The following STAG1 variants were observed in gnomAD, a reference collection of about 807,000 sequenced individuals.
STAG1 encodes the protein STAG1 cohesin complex component.
In STAG1, 26 loss-of-function variants were observed where a neutral mutation model predicts 170.9. The observed-to-expected ratio is 0.15, with a 90% CI of 0.11 to 0.21. The LOEUF is 0.21. Among genes scored for constraint, STAG1 ranks in the 10% least tolerant of loss-of-function variants. The pLI is 1.00. For missense variants in STAG1, 964 were observed against 1,509.5 expected (o/e 0.64, Z 5.99); for synonymous variants, 514 against 497.7 (o/e 1.03, Z -0.44).
chr3:136,554,819 C>G (rs927635149), intron 5 of STAG1, among the ~76,000 whole-genome samples: 75 of 152,098 alleles, frequency 4.9e-4, no homozygotes, highest in Non-Finnish European at 3.2e-4. Context: ...CATTTCTGCC[C>G]AGGAGTTCAG....
In STAG1 at chr3:136,617,951, G is replaced by A. The variant is rs559557618; in HGVS notation, c.132+5195C>T. Reference sequence around the variant, plus strand: ...AAGTGACCTGTTAACTTACCCTTCTGGTACTCATTAATCTTTTGTTGTGCA... The same window carrying A: ...AAGTGACCTGTTAACTTACCCTTCTAGTACTCATTAATCTTTTGTTGTGCA... On this transcript the variant is annotated intron_variant, in intron 3 of 33. Transcript: ENST00000383202. 1.3e-4 allele frequency among the ~76,000 whole-genome samples: 20 copies of A among 152,134 alleles called. No homozygotes were observed. In the South Asian group the frequency reaches 1.9e-3, roughly 14 times the overall value.
intron 16 of STAG1, among the ~76,000 whole-genome samples, chr3:136,431,550 G>A (rs1210677621): frequency 6.6e-6 from 1 of 152,178 alleles, no homozygotes. Context: ...GATTACAGGC[G>A]TGAACCACTG....
rs138129456 is a variant in STAG1, at chr3:136,443,302, C to G, written c.1531G>C (p.Val511Leu). Reference sequence around the variant, plus strand: ...AATACTATACCTTCCTCTCCTTGAACAGGTTCTTCTAATAGCAACTCTGTC... The same window carrying G: ...AATACTATACCTTCCTCTCCTTGAAGAGGTTCTTCTAATAGCAACTCTGTC... ...CMTELLLEEP[V>L]QGEEAMSDRQ... Residue 511 changes from valine to leucine, a missense_variant, in exon 15 of 34, where the codon GTT becomes CTT. Transcript: ENST00000383202. The G allele has an allele frequency of 6.8e-6, 11 of 1,611,460 alleles. No individual in the cohort carries two copies. The highest frequency in any genetic ancestry group is 9.3e-6 in the Non-Finnish European group (11 of 1,178,160).
intron 13 of STAG1, among the ~76,000 whole-genome samples, chr3:136,459,220 GAAAAAA>G (rs769155825): frequency 1.1e-5 from 1 of 91,636 alleles, no homozygotes; most frequent in South Asian, 3.6e-4. Context: ...CTGTCTTAAA[GAAAAAA>G]AAAAAAAAAA....
intron 3 of STAG1, among the ~76,000 whole-genome samples, chr3:136,604,990 T>C (rs985983640): frequency 1.9e-4 from 29 of 152,190 alleles, no homozygotes; most frequent in African/African-American, 6.8e-4. Flanking sequence ...ACAATAATAA[T>C]GCCAATGTTG....
At chr3:136,504,939 A>G (rs373136090) in intron 7 of STAG1, among the ~76,000 whole-genome samples, 8 of 152,242 alleles carry the variant, frequency 5.3e-5, no homozygotes, top group African/African-American at 1.9e-4. Flanking sequence ...CATGTTAAAA[A>G]TGATCAATAT....
At chr3:136,563,969 G>C (rs1005441525) in intron 5 of STAG1, among the ~76,000 whole-genome samples, 4 of 151,868 alleles carry the variant, frequency 2.6e-5, no homozygotes, top group Non-Finnish European at 5.9e-5. Flanking sequence ...GTTGCAGTGA[G>C]CCGAGATCGC....
intron 1 of STAG1, among the ~76,000 whole-genome samples, chr3:136,708,393 G>C (rs887165652): frequency 6.6e-6 from 1 of 151,638 alleles, no homozygotes; most frequent in Admixed American, 6.6e-5. Flanking sequence ...TTATTTATAA[G>C]AAATATAATA....
At chr3:136,489,290 A>G in intron 9 of STAG1, among the ~76,000 whole-genome samples, 1 of 152,154 alleles carries the variant, frequency 6.6e-6, no homozygotes, top group South Asian at 2.1e-4. Context: ...ATCTGGACCT[A>G]AGTTTTCATT....
At chr3:136,420,244 C>CAAAA (rs71157379) in intron 20 of STAG1, among the ~76,000 whole-genome samples, 12 of 36,850 alleles carry the variant, frequency 3.3e-4, no homozygotes, top group South Asian at 2.1e-3. Context: ...GAGACTCTGT[C>CAAAA]AAAAAAAAAA....
intron 7 of STAG1, among the ~76,000 whole-genome samples, chr3:136,513,281 C>T (rs996782821): frequency 6.6e-6 from 1 of 151,968 alleles, no homozygotes. Flanking sequence ...CCCTTGAACC[C>T]AGGAGGCATA....
intron 22 of STAG1, among the ~76,000 whole-genome samples, chr3:136,394,119 G>A (rs1330461684): frequency 2.0e-5 from 3 of 152,086 alleles, no homozygotes; most frequent in African/African-American, 4.8e-5. Flanking sequence ...TGTTGGTTAG[G>A]ATAATCTCTA....
intron 1 of STAG1, among the ~76,000 whole-genome samples, chr3:136,741,937 G>T (rs1449776970): frequency 2.6e-5 from 4 of 152,156 alleles, no homozygotes; most frequent in African/African-American, 9.7e-5. Context: ...TCAAGGAAAA[G>T]ATTATTACCA....
intron 1 of STAG1, among the ~76,000 whole-genome samples, chr3:136,687,449 C>T (rs1177488853): frequency 2.0e-5 from 3 of 151,182 alleles, no homozygotes; most frequent in African/African-American, 7.3e-5. Context: ...ATTTTAAAGT[C>T]TTTTGTGTAG....
chr3:136,677,684 G>C (rs1942168048), intron 1 of STAG1, among the ~76,000 whole-genome samples: 1 of 151,930 alleles, frequency 6.6e-6, no homozygotes, highest in Admixed American at 6.6e-5. Flanking sequence ...CTTTGCAGCA[G>C]AGTGAGCCCT....
In STAG1 at chr3:136,647,800, A is replaced by G. The variant is rs118004643; in HGVS notation, c.-83-16819T>C. On this transcript the variant is annotated intron_variant, in intron 1 of 33. Coordinates refer to ENST00000383202, the MANE Select transcript of STAG1 (RefSeq NM_005862.3). ...TTTCCTTTGAAGAAAGGCAGTTTATATTCATTGCTTCTACCTTCTCATTTT... is the reference window on the plus strand; with the variant it reads ...TTTCCTTTGAAGAAAGGCAGTTTATGTTCATTGCTTCTACCTTCTCATTTT... 2.2e-3 allele frequency among the ~76,000 whole-genome samples: 328 copies of G among 152,284 alleles called. 8 individuals carry two copies. In the East Asian group the frequency reaches 0.048, roughly 22 times the overall value.
chr3:136,360,856 GA>G (rs1287355192), intron 26 of STAG1, among the ~76,000 whole-genome samples: 1 of 152,040 alleles, frequency 6.6e-6, no homozygotes, highest in Non-Finnish European at 1.5e-5. Flanking sequence ...TTTTAGTAGA[GA>G]GGGGGTTTCA....
chr3:136,350,458 G>A (rs549589914), intron 28 of STAG1, among the ~76,000 whole-genome samples: 7 of 152,250 alleles, frequency 4.6e-5, no homozygotes, highest in African/African-American at 1.7e-4. Flanking sequence ...CACTCCTGGG[G>A]TAAAACACTA....
chr3:136,474,820 T>C (rs1182860951), intron 10 of STAG1, among the ~76,000 whole-genome samples: 4 of 152,186 alleles, frequency 2.6e-5, no homozygotes, highest in Non-Finnish European at 5.9e-5. Context: ...AATGGTTCAA[T>C]ATCTCTATCT....
Sources: gnomAD v4.1 joint callset for allele counts (sites outside exome capture counted in the v4.1 genomes callset) on GRCh38, gnomAD v4.1.1 for gene constraint, MANE v1.5 for transcripts, NCBI Gene and HGNC (gene_info 2026-07-23, HGNC 2026-07-21) for gene names.